The following SPRED1 variants were observed in gnomAD, a reference collection of about 807,000 sequenced individuals.
SPRED1 encodes the protein sprouty-related, EVH1 domain-containing protein 1.
Under a neutral mutation model 52.3 loss-of-function variants are expected in SPRED1, and 18 were observed. That is an observed-to-expected ratio of 0.34 (90% confidence interval 0.24 to 0.51). The LOEUF is 0.51. SPRED1 is among the 20% of genes least tolerant of loss of function. The probability of loss-of-function intolerance (pLI) is 0.97; values close to 1 mark genes in which losing one functional copy is unlikely to be tolerated. For synonymous variants in SPRED1, 155 were observed against 179.7 expected (o/e 0.86, Z 1.10); for missense variants, 485 against 551.0 (o/e 0.88, Z 1.20).
chr15:38,348,432 G>GTGTGTC (rs1197937822), intron 5 of SPRED1, among the ~76,000 whole-genome samples: 7 of 151,892 alleles, frequency 4.6e-5, no homozygotes, highest in African/African-American at 1.7e-4. Flanking sequence ...GTGTGTGTGT[G>GTGTGTC]TGTGTGTCTG....
At chr15:38,293,837 GCT>G (rs763552546) in intron 1 of SPRED1, among the ~76,000 whole-genome samples, 56 of 152,146 alleles carry the variant, frequency 3.7e-4, no homozygotes, top group Middle Eastern at 6.8e-3. Context: ...CTTGTGTCAT[GCT>G]CTCTCTATTG....
intron 1 of SPRED1, among the ~76,000 whole-genome samples, chr15:38,279,052 T>C (rs1312565987): frequency 6.6e-6 from 1 of 152,090 alleles, no homozygotes; most frequent in Non-Finnish European, 1.5e-5. Context: ...GGTCTCGAAC[T>C]CCTGACCTCA....
chr15:38,253,232 G>A lies in SPRED1; in HGVS notation c.32+15G>A. ...TCTGACAACGAGTAAGCGCCTCATT[G>A]ATCTCGATTGCTAATCCCCCTCCCC... On this transcript the variant is annotated intron_variant, in intron 1 of 6. Transcript: ENST00000299084. The A allele has an allele frequency of 1.9e-6, 3 of 1,567,670 alleles. No homozygotes were observed. The highest frequency in any genetic ancestry group is 2.6e-6 in the Non-Finnish European group (3 of 1,155,070).
In SPRED1 at chr15:38,285,687, G is replaced by A. The variant is rs558981168; in HGVS notation, c.33-13686G>A. On this transcript the variant is annotated intron_variant, in intron 1 of 6. Transcript: ENST00000299084. Reference sequence around the variant, plus strand: ...TGGACTCTTTCCGTGCGTGAAATATGTGGCTCTTGGAGGTTTCTGAGCAAG... The same window carrying A: ...TGGACTCTTTCCGTGCGTGAAATATATGGCTCTTGGAGGTTTCTGAGCAAG... 3.9e-5 allele frequency among the ~76,000 whole-genome samples: 6 copies of A among 152,274 alleles called. No individual in the cohort carries two copies. In the South Asian group the frequency reaches 1.2e-3, roughly 32 times the overall value.
intron 4 of SPRED1, among the ~76,000 whole-genome samples, chr15:38,336,720 A>T (rs1432710771): frequency 6.6e-6 from 1 of 152,000 alleles, no homozygotes; most frequent in African/African-American, 2.4e-5. Flanking sequence ...GTTCTCACTC[A>T]TAAGTGGGAG....
intron 4 of SPRED1, among the ~76,000 whole-genome samples, chr15:38,328,375 G>A (rs751317366): frequency 2.6e-5 from 4 of 152,098 alleles, no homozygotes; most frequent in East Asian, 1.9e-4. Context: ...ACCAATAACT[G>A]CTAGACATTT....
At chr15:38,324,386 C>T (rs763680960) in intron 3 of SPRED1, among the ~76,000 whole-genome samples, 36 of 152,146 alleles carry the variant, frequency 2.4e-4, no homozygotes, top group South Asian at 6.2e-4. Context: ...AATACTGTTT[C>T]CTGGGTCAAA....
At chr15:38,348,160 T>C (rs542862138) in intron 5 of SPRED1, among the ~76,000 whole-genome samples, 3 of 152,120 alleles carry the variant, frequency 2.0e-5, no homozygotes, top group African/African-American at 7.2e-5. Context: ...GGAAAAAAAA[T>C]TGTTCTCTCT....
Position 38,353,663 on chromosome 15 carries a change from A to G in SPRED1, c.*1999A>G, listed in dbSNP as rs957849256. On this transcript the variant is annotated 3_prime_UTR_variant, in exon 7 of 7. Transcript: ENST00000299084. ...TAGACTGTTAACTTTCAAAATTTTT[A>G]TTGGTGAAATGGAAATACTGTTTTT... 2 of 152,558 alleles carry G rather than the reference A, an allele frequency of 1.3e-5. No individual in the cohort carries two copies. Among genetic ancestry groups the G allele is most frequent in the East Asian group, 1.9e-4 (1 of 5,204 alleles). 9.5% of individuals were successfully genotyped at this position (152,558 alleles called of 1,614,324 possible).
chr15:38,323,694 G>A (rs1895649981), intron 3 of SPRED1, among the ~76,000 whole-genome samples: 1 of 151,694 alleles, frequency 6.6e-6, no homozygotes, highest in Non-Finnish European at 1.5e-5. Flanking sequence ...TTGGTTTGAC[G>A]CCATACTCTG....
At chr15:38,297,063 C>A (rs1895055815) in intron 1 of SPRED1, among the ~76,000 whole-genome samples, 1 of 152,152 alleles carries the variant, frequency 6.6e-6, no homozygotes, top group Non-Finnish European at 1.5e-5. Flanking sequence ...AGACAATGAA[C>A]CTACTGGTGC....
chr15:38,347,191 T>C (rs961892918), intron 5 of SPRED1, among the ~76,000 whole-genome samples: 4 of 152,192 alleles, frequency 2.6e-5, no homozygotes, highest in Non-Finnish European at 5.9e-5. Context: ...TAATCCACTT[T>C]AATTTGATTT....
intron 1 of SPRED1, among the ~76,000 whole-genome samples, chr15:38,259,983 G>A (rs978540581): frequency 2.0e-5 from 3 of 152,086 alleles, no homozygotes; most frequent in Admixed American, 1.3e-4. Context: ...GAGTGTTTGC[G>A]GGCTTGAAGG....
chr15:38,289,951 A>G (rs1566856577), intron 1 of SPRED1, among the ~76,000 whole-genome samples: 2 of 152,066 alleles, frequency 1.3e-5, no homozygotes, highest in South Asian at 4.1e-4. Context: ...TGTGTGTTAC[A>G]TATTTTTTTC....
chr15:38,333,598 A>G (rs981338079), intron 4 of SPRED1, among the ~76,000 whole-genome samples: 1 of 152,268 alleles, frequency 6.6e-6, no homozygotes. Flanking sequence ...AGAAATACAT[A>G]TAAGAGTGAA....
At chr15:38,339,601 G>A (rs1895989069) in intron 4 of SPRED1, 136 bp from the exon 5 acceptor site, 6 of 832,482 alleles carry the variant, frequency 7.2e-6, no homozygotes, top group Non-Finnish European at 1.2e-5. Flanking sequence ...TGAGTTTTGG[G>A]AATTGCTATT....
At chr15:38,343,344 A>C (rs914217508) in intron 5 of SPRED1, among the ~76,000 whole-genome samples, 12 of 152,128 alleles carry the variant, frequency 7.9e-5, no homozygotes, top group African/African-American at 2.9e-4. Flanking sequence ...TATGGTCATA[A>C]GATGAAGAAA....
intron 1 of SPRED1, 49 bp downstream of exon 1, chr15:38,253,266 C>T (rs752737776): frequency 6.5e-7 from 1 of 1,538,480 alleles, no homozygotes; most frequent in South Asian, 1.2e-5. Context: ...CCCTATCCGC[C>T]CTCGGCTCTC....
chr15:38,272,191 A>C (rs1242027263), intron 1 of SPRED1, among the ~76,000 whole-genome samples: 1 of 151,772 alleles, frequency 6.6e-6, no homozygotes, highest in African/African-American at 2.4e-5. Flanking sequence ...TTCAGTGATC[A>C]TGAGTGCACG....
Sources: allele counts gnomAD v4.1 joint callset (sites outside exome capture counted in the v4.1 genomes callset), GRCh38; gene constraint gnomAD v4.1.1; transcripts MANE v1.5; gene names NCBI Gene and HGNC (gene_info 2026-07-23, HGNC 2026-07-21).